The following DLGAP2 variants were observed in gnomAD, a reference collection of about 807,000 sequenced individuals.
The protein encoded by DLGAP2 is DLG associated protein 2, also known as disks large-associated protein 2.
In DLGAP2, 26 loss-of-function variants were observed where a neutral mutation model predicts 100.3. The observed-to-expected ratio is 0.26, with a 90% CI of 0.19 to 0.36. DLGAP2 has a LOEUF of 0.36. DLGAP2 is among the 10% of genes least tolerant of loss of function. The pLI is 1.00. For synonymous variants in DLGAP2, 886 were observed against 630.1 expected (o/e 1.41, Z -6.08); for missense variants, 1,858 against 1,453.2 (o/e 1.28, Z -4.53).
intron 2 of DLGAP2, among the ~76,000 whole-genome samples, chr8:954,979 G>A (rs1042910794): frequency 3.3e-5 from 5 of 152,102 alleles, no homozygotes. Flanking sequence ...AGAGAACGAG[G>A]ATTTTTAAAA....
chr8:758,006 C>T (rs1238558270), intron 1 of DLGAP2, among the ~76,000 whole-genome samples: 1 of 152,150 alleles, frequency 6.6e-6, no homozygotes. Context: ...GAGGACATGG[C>T]TGTGCCCTTT....
intron 3 of DLGAP2, among the ~76,000 whole-genome samples, chr8:1,342,476 A>C (rs1801439064): frequency 6.6e-6 from 1 of 151,758 alleles, no homozygotes; most frequent in Admixed American, 6.6e-5. Flanking sequence ...AGTTCAGCTA[A>C]CTTTTTCTGT....
chr8:1,097,429 C>T (rs1455542853), intron 2 of DLGAP2, among the ~76,000 whole-genome samples: 1 of 135,188 alleles, frequency 7.4e-6, no homozygotes, highest in Non-Finnish European at 1.6e-5. Context: ...AGGACCCCTC[C>T]AGCGTGAGAC....
At chr8:1,210,399 A>C (rs1407289116) in intron 2 of DLGAP2, among the ~76,000 whole-genome samples, 1 of 152,200 alleles carries the variant, frequency 6.6e-6, no homozygotes, top group African/African-American at 2.4e-5. Context: ...GGAACTTGAG[A>C]TGTCTTGAGG....
intron 3 of DLGAP2, among the ~76,000 whole-genome samples, chr8:1,481,839 T>C (rs1799107184): frequency 6.6e-6 from 1 of 152,154 alleles, no homozygotes; most frequent in African/African-American, 2.4e-5. Flanking sequence ...TCTGACTCCT[T>C]GGCTGGCCCA....
intron 1 of DLGAP2, among the ~76,000 whole-genome samples, chr8:857,515 T>G (rs1010132204): frequency 2.0e-5 from 3 of 152,178 alleles, no homozygotes; most frequent in Non-Finnish European, 4.4e-5. Context: ...TTTTAAAATG[T>G]GTAAAAGATC....
At chr8:1,636,226 T>C (rs886470380) in intron 8 of DLGAP2, among the ~76,000 whole-genome samples, 3 of 152,184 alleles carry the variant, frequency 2.0e-5, no homozygotes, top group African/African-American at 7.2e-5. Flanking sequence ...TGAAGGAAAA[T>C]GGTGTAAAAT....
At chr8:1,434,171 A>G (rs1031186139) in intron 3 of DLGAP2, among the ~76,000 whole-genome samples, 7 of 152,122 alleles carry the variant, frequency 4.6e-5, no homozygotes, top group African/African-American at 1.7e-4. Flanking sequence ...GACCGTCAGC[A>G]GCTCAGCCGC....
chr8:1,308,725 A>G (rs1800547512), intron 3 of DLGAP2, among the ~76,000 whole-genome samples: 1 of 152,110 alleles, frequency 6.6e-6, no homozygotes, highest in African/African-American at 2.4e-5. Context: ...AGGTTTCCCC[A>G]TGTTGGTCAG....
intron 8 of DLGAP2, among the ~76,000 whole-genome samples, chr8:1,651,677 C>G (rs1273617444): frequency 6.6e-6 from 1 of 152,210 alleles, no homozygotes; most frequent in African/African-American, 2.4e-5. Context: ...TTCACAAAAC[C>G]ACCACAGGCT....
intron 1 of DLGAP2, among the ~76,000 whole-genome samples, chr8:799,457 A>G (rs73530361): frequency 0.012 from 1,785 of 152,216 alleles, 49 homozygotes; most frequent in African/African-American, 0.041. Flanking sequence ...GGGAGTTGGA[A>G]AAAAGGTTGG....
chr8:764,467 C>G (rs1307923560), intron 1 of DLGAP2, among the ~76,000 whole-genome samples: 1 of 152,136 alleles, frequency 6.6e-6, no homozygotes, highest in East Asian at 1.9e-4. Context: ...CTATCATTTT[C>G]TTTTAAAACC....
chr8:1,681,144 T>TGAG (rs1563059218), intron 12 of DLGAP2, among the ~76,000 whole-genome samples: 1 of 152,236 alleles, frequency 6.6e-6, no homozygotes, highest in African/African-American at 2.4e-5. Flanking sequence ...TATTATCATT[T>TGAG]GAGTTTATCC....
At chr8:1,519,046 G>T (rs937967336) in intron 4 of DLGAP2, among the ~76,000 whole-genome samples, 1 of 152,210 alleles carries the variant, frequency 6.6e-6, no homozygotes. Context: ...ACGAGCCACA[G>T]ATAGGAGCCT....
Position 1,332,546 on chromosome 8 carries a change from T to G in DLGAP2, c.106+73663T>G, listed in dbSNP as rs969898636. On this transcript the variant is annotated intron_variant, in intron 3 of 14. Transcript: ENST00000637795. ...GTCATTGTGCACACACTCCTACAGA[T>G]GCACACACACTTGCTATGACGGAGC... Among the ~76,000 whole-genome samples the G allele has an allele frequency of 1.4e-4, 22 of 152,196 alleles. 2 individuals carry two copies.
intron 1 of DLGAP2, among the ~76,000 whole-genome samples, chr8:828,174 A>G (rs1404539865): frequency 1.3e-5 from 2 of 152,218 alleles, no homozygotes; most frequent in Non-Finnish European, 2.9e-5. Context: ...CATTGATAAC[A>G]TCTTATCAGG....
chr8:1,508,712 G>A (rs1408882037), intron 4 of DLGAP2, among the ~76,000 whole-genome samples: 1 of 150,362 alleles, frequency 6.7e-6, no homozygotes, highest in Non-Finnish European at 1.5e-5. Flanking sequence ...CAACTGCTGC[G>A]CACAGGAGGG....
intron 11 of DLGAP2, 43 bp downstream of exon 11, chr8:1,676,661 G>T: frequency 1.9e-6 from 3 of 1,572,068 alleles, no homozygotes; most frequent in Non-Finnish European, 2.6e-6. Flanking sequence ...CCGAGCGAGG[G>T]CTCTTTGTCA....
intron 6 of DLGAP2, among the ~76,000 whole-genome samples, chr8:1,614,567 C>T (rs527891711): frequency 1.8e-4 from 27 of 152,328 alleles, no homozygotes; most frequent in Admixed American, 1.1e-3. Context: ...TGTGCCCACA[C>T]GAGCTCCGGG....
Sources: allele counts gnomAD v4.1 joint callset (sites outside exome capture counted in the v4.1 genomes callset), GRCh38; gene constraint gnomAD v4.1.1; transcripts MANE v1.5; gene names NCBI Gene and HGNC (gene_info 2026-07-23, HGNC 2026-07-21).